SMARCA5: variants seen among roughly 807,000 people sequenced by gnomAD.
SMARCA5 encodes the protein SWI/SNF-related matrix-associated actin-dependent regulator of chromatin subfamily A member 5.
A neutral mutation model predicts 140.4 loss-of-function variants in SMARCA5; 18 were observed. That is an observed-to-expected ratio of 0.13 (90% CI 0.09 to 0.19). The LOEUF is 0.19. Ranked by LOEUF, SMARCA5 falls within the 10% of genes least tolerant of loss-of-function variation. The pLI is 1.00. For missense variants in SMARCA5, 606 were observed against 1,276.8 expected (o/e 0.47, Z 8.01); for synonymous variants, 449 against 419.6 (o/e 1.07, Z -0.86).
intron 11 of SMARCA5, among the ~76,000 whole-genome samples, chr4:143,537,135 A>G (rs1170389499): frequency 6.6e-6 from 1 of 152,160 alleles, no homozygotes; most frequent in Non-Finnish European, 1.5e-5. Context: ...TTTTATGAAA[A>G]TGGGTATGTC....
chr4:143,555,422 G>C lies in SMARCA5; in HGVS notation c.*2238G>C, dbSNP rs1302500888. The stretch of plus-strand genomic sequence containing the variant: ...ACCACGATCACAGAACTTGATGACT[G>C]TATTTGTGACTAATTGTATAATAGT... On this transcript the variant is annotated 3_prime_UTR_variant, in exon 24 of 24. Transcript: ENST00000283131. 2 of 623,552 alleles carry C rather than the reference G, an allele frequency of 3.2e-6. No individual in the cohort carries two copies. The highest frequency in any genetic ancestry group is 1.8e-5 in the African/African-American group (1 of 55,538). 38.6% of individuals were successfully genotyped at this position (623,552 alleles called of 1,614,324 possible). A position where few individuals can be genotyped will look rare whatever the true frequency, so the allele number is the denominator to read the frequency against.
At chr4:143,519,457 AGT>A in intron 2 of SMARCA5, among the ~76,000 whole-genome samples, 1 of 152,142 alleles carries the variant, frequency 6.6e-6, no homozygotes, top group Non-Finnish European at 1.5e-5. Context: ...ATTTTTGCAA[AGT>A]GTTATTTATA....
rs185089372 is a variant in SMARCA5 at position 143,522,362 on chromosome 4, G to A, written c.419+767G>A. Among the ~76,000 whole-genome samples, 249 of 152,276 alleles carry A rather than the reference G, an allele frequency of 1.6e-3. 1 individual carries two copies. The highest frequency in any genetic ancestry group is 5.6e-3 in the African/African-American group (234 of 41,532). On this transcript the variant is annotated intron_variant, in intron 3 of 23. Coordinates refer to ENST00000283131, the MANE Select transcript of SMARCA5 (RefSeq NM_003601.4). ...TAAATAAGATGTTTAATTAGTAATAGTAGATTTAGGGCAGTCTTGGCTCCC... is the reference window on the plus strand; with the variant it reads ...TAAATAAGATGTTTAATTAGTAATAATAGATTTAGGGCAGTCTTGGCTCCC...
intron 23 of SMARCA5, among the ~76,000 whole-genome samples, chr4:143,552,171 G>A (rs1476725519): frequency 6.6e-6 from 1 of 151,798 alleles, no homozygotes; most frequent in Non-Finnish European, 1.5e-5. Context: ...ACTGTAAATG[G>A]GATTACTTTT....
At chr4:143,544,715 T>G (rs774385507) in intron 16 of SMARCA5, 22 bp from the exon 17 acceptor site, 9 of 1,336,956 alleles carry the variant, frequency 6.7e-6, no homozygotes, top group African/African-American at 5.8e-5. Flanking sequence ...GTTGGTGATT[T>G]GAGTTGTTTC....
At chr4:143,545,845 C>T in intron 18 of SMARCA5, 80 bp from the exon 19 acceptor site, 1 of 1,286,964 alleles carries the variant, frequency 7.8e-7, no homozygotes, top group African/African-American at 1.5e-5. Flanking sequence ...TGAATTGAAA[C>T]TTGTGAAATG....
rs185823384 is a variant in SMARCA5, at chr4:143,530,667, A to T, written c.1158+141A>T. On this transcript the variant is annotated intron_variant, in intron 9 of 23. Coordinates refer to ENST00000283131, the MANE Select transcript of SMARCA5 (RefSeq NM_003601.4). ...GCTTGAATTCTGACACTTAACTCTTACATCTTACAATCAGTGTAGGGGGTG... is the reference window on the plus strand; with the variant it reads ...GCTTGAATTCTGACACTTAACTCTTTCATCTTACAATCAGTGTAGGGGGTG... The T allele has an allele frequency of 4.0e-4, 228 of 572,124 alleles. 1 individual carries two copies. The highest frequency in any genetic ancestry group is 1.9e-3 in the Admixed American group (61 of 31,792). 35.4% of individuals were successfully genotyped at this position (572,124 alleles called of 1,614,324 possible).
intron 8 of SMARCA5, 126 bp downstream of exon 8, chr4:143,528,840 T>C: frequency 1.3e-6 from 1 of 747,420 alleles, no homozygotes; most frequent in Non-Finnish European, 2.0e-6. Flanking sequence ...TGCTTTTATT[T>C]ACATAGTTAG....
intron 9 of SMARCA5, among the ~76,000 whole-genome samples, chr4:143,533,615 C>G (rs928509975): frequency 6.7e-6 from 1 of 149,464 alleles, no homozygotes; most frequent in Non-Finnish European, 1.5e-5. Flanking sequence ...TCACACCATT[C>G]TCCTGTCTCA....
chr4:143,539,497 G>A (rs1160355207), intron 13 of SMARCA5, among the ~76,000 whole-genome samples: 1 of 151,520 alleles, frequency 6.6e-6, no homozygotes, highest in African/African-American at 2.4e-5. Context: ...TGATATTGGT[G>A]ACCACAAACC....
rs1737688720 is a variant in SMARCA5, at chr4:143,553,590, ACTTTGC to A, written c.*413_*418del. ...CCTAGTTGTGTAATTATTTTAATTC[ACTTTGC>A]CTTTGCAGAAATTTGGGTATTTTCT... is the stretch of plus-strand genomic sequence containing the variant. On this transcript the variant is annotated 3_prime_UTR_variant, in exon 24 of 24. Coordinates refer to ENST00000283131, the MANE Select transcript of SMARCA5 (RefSeq NM_003601.4). The A allele has an allele frequency of 6.3e-6, 1 of 159,176 alleles. No individual in the cohort carries two copies. Among genetic ancestry groups the A allele is most frequent in the South Asian group, 1.9e-4 (1 of 5,388 alleles). 9.9% of individuals were successfully genotyped at this position (159,176 alleles called of 1,614,324 possible).
chr4:143,543,726 C>G, intron 15 of SMARCA5, 69 bp downstream of exon 15: 1 of 1,497,182 alleles, frequency 6.7e-7, no homozygotes, highest in Non-Finnish European at 9.1e-7. Context: ...ATATTTGTTA[C>G]ATTGATGATA....
chr4:143,526,226 T>G, intron 5 of SMARCA5, 55 bp from the exon 6 acceptor site: 1 of 1,364,772 alleles, frequency 7.3e-7, no homozygotes, highest in South Asian at 1.2e-5. Flanking sequence ...GAGGTATAAT[T>G]GTGAAATAAT....
intron 2 of SMARCA5, among the ~76,000 whole-genome samples, chr4:143,521,185 C>T (rs1261207645): frequency 6.6e-6 from 1 of 152,198 alleles, no homozygotes; most frequent in African/African-American, 2.4e-5. Flanking sequence ...ACCTCCTTGC[C>T]ACTTCTGATC....
intron 1 of SMARCA5, among the ~76,000 whole-genome samples, chr4:143,515,984 ATT>A (rs944042478): frequency 6.9e-6 from 1 of 144,176 alleles, no homozygotes; most frequent in African/African-American, 2.5e-5. Flanking sequence ...TTATAGTGTG[ATT>A]TTTTTTTTTG....
At chr4:143,548,648 C>A (rs1737578108) in intron 22 of SMARCA5, among the ~76,000 whole-genome samples, 1 of 152,000 alleles carries the variant, frequency 6.6e-6, no homozygotes, top group Admixed American at 6.6e-5. Context: ...TTCTAATAAC[C>A]TAAAATTTGA....
rs999336679 is a variant in SMARCA5, at chr4:143,555,537, T to C, written c.*2353T>C. The C allele has an allele frequency of 1.5e-5, 6 of 399,236 alleles. No homozygotes were observed. The highest frequency in any genetic ancestry group is 1.2e-4 in the African/African-American group (6 of 48,704). The allele number at this position is 399,236 out of a possible 1,614,324, so 24.7% of individuals were successfully genotyped here. A position where few individuals can be genotyped will look rare whatever the true frequency, so the allele number is the denominator to read the frequency against. ...CCCATGCTGTTGATTGCTAAATGTT[T>C]TAATAATCTGATCATGATACTGAAT... On this transcript the variant is annotated 3_prime_UTR_variant, in exon 24 of 24. Coordinates refer to ENST00000283131, the MANE Select transcript of SMARCA5 (RefSeq NM_003601.4).
At chr4:143,517,251 G>A in intron 1 of SMARCA5, 104 bp from the exon 2 acceptor site, 2 of 716,116 alleles carry the variant, frequency 2.8e-6, no homozygotes, top group Non-Finnish European at 4.5e-6. Flanking sequence ...GAAGTTTGGG[G>A]TGAGAATGTA....
intron 11 of SMARCA5, among the ~76,000 whole-genome samples, chr4:143,537,951 TGAGGTGCAGGAACG>T (rs1737348969): frequency 6.6e-6 from 1 of 151,708 alleles, no homozygotes; most frequent in Non-Finnish European, 1.5e-5. Context: ...CTTATGCATT[TGAGGTGCAGGAACG>T]TGTGACAACA....
Sources: gnomAD v4.1 joint callset for allele counts (sites outside exome capture counted in the v4.1 genomes callset) on GRCh38, gnomAD v4.1.1 for gene constraint, MANE v1.5 for transcripts, NCBI Gene and HGNC (gene_info 2026-07-23, HGNC 2026-07-21) for gene names.